The following DNTT variants were observed in gnomAD, a reference collection of about 807,000 sequenced individuals.
The protein encoded by DNTT is nucleosidetriphosphate:DNA deoxynucleotidylexotransferase.
DNTT carries 47 observed loss-of-function variants against 60.9 expected under a neutral mutation model. The observed-to-expected ratio is 0.77, with a 90% CI of 0.61 to 0.98. The LOEUF (loss-of-function observed/expected upper bound fraction) is 0.98. DNTT is among the 50% of genes least tolerant of loss of function. The probability of loss-of-function intolerance (pLI) is 0.00; values close to 1 mark genes in which losing one functional copy is unlikely to be tolerated. For missense variants in DNTT, 665 were observed against 627.5 expected (o/e 1.06, Z -0.64); for synonymous variants, 224 against 221.2 (o/e 1.01, Z -0.11).
intron 6 of DNTT, 40 bp downstream of exon 6, chr10:96,324,429 G>T: frequency 2.5e-6 from 4 of 1,610,096 alleles, no homozygotes; most frequent in Non-Finnish European, 3.4e-6. Flanking sequence ...GCTATGGGCT[G>T]GTCGGGTCGT....
intron 9 of DNTT, among the ~76,000 whole-genome samples, chr10:96,335,201 C>T (rs780911608): frequency 1.3e-5 from 2 of 152,204 alleles, no homozygotes; most frequent in East Asian, 1.9e-4. Context: ...TCGTTGCCCT[C>T]CTTTCCCAAG....
chr10:96,330,923 A>T (rs1436662519), intron 8 of DNTT, among the ~76,000 whole-genome samples: 1 of 152,072 alleles, frequency 6.6e-6, no homozygotes, highest in African/African-American at 2.4e-5. Flanking sequence ...CAAATCACAC[A>T]TCCCAGTAGC....
chr10:96,332,477 G>C lies in DNTT; in HGVS notation c.1240G>C (p.Val414Leu), dbSNP rs1224859361. Residue 414 changes from valine to leucine, a missense_variant, in exon 9 of 11, where the codon GTG (valine) becomes CTG (leucine). By Grantham distance (32) the Val-to-Leu change is conservative. Transcript: ENST00000371174. ...GATTTTCAAATTGCCTCGTCAAAGAGTGGACAGTGACCAGTCCAGCTGGCA... is the reference window on the plus strand; with the variant it reads ...GATTTTCAAATTGCCTCGTCAAAGACTGGACAGTGACCAGTCCAGCTGGCA... ...FLIFKLPRQR[V>L]DSDQSSWQEG... is the part of the protein sequence containing the mutation. The C allele has an allele frequency of 1.2e-6, 2 of 1,614,218 alleles. No individual in the cohort carries two copies. Among genetic ancestry groups the C allele is most frequent in the East Asian group, 2.2e-5 (1 of 44,888 alleles).
At chr10:96,324,134 A>C (rs1844911220) in intron 5 of DNTT, 132 bp from the exon 6 acceptor site, 1 of 1,242,858 alleles carries the variant, frequency 8.0e-7, no homozygotes. Flanking sequence ...CCTGCTCGTT[A>C]TATTCAGGAG....
At chr10:96,336,827 A>G (rs1309922071) in intron 10 of DNTT, among the ~76,000 whole-genome samples, 1 of 151,260 alleles carries the variant, frequency 6.6e-6, no homozygotes, top group Non-Finnish European at 1.5e-5. Context: ...ACACCCAGCT[A>G]CTTGGGAGGC....
intron 1 of DNTT, among the ~76,000 whole-genome samples, chr10:96,308,569 C>G (rs939291300): frequency 3.3e-5 from 5 of 152,154 alleles, no homozygotes; most frequent in African/African-American, 1.2e-4. Flanking sequence ...TGTTATCAAC[C>G]CTCCTCCATA....
intron 1 of DNTT, among the ~76,000 whole-genome samples, chr10:96,307,779 T>A (rs866747079): frequency 1.1e-4 from 16 of 139,826 alleles, no homozygotes; most frequent in African/African-American, 4.2e-4. Flanking sequence ...ATATATATAT[T>A]TTTTTTTTTT....
chr10:96,324,518 G>T (rs1844918533), intron 6 of DNTT, 129 bp downstream of exon 6: 1 of 1,403,412 alleles, frequency 7.1e-7, no homozygotes, highest in Admixed American at 2.1e-5. Flanking sequence ...TTGATGCTTG[G>T]ATCTAAATCC....
At position 96,305,407 on chromosome 10, in the gene DNTT, C is replaced by T. The variant is rs531825943; in HGVS notation, c.203+707C>T. ...TCACTAATCCACTCACCTTGAACAG[C>T]AATTATTCTTGTTGTTTTTCTAACT... On this transcript the variant is annotated intron_variant, in intron 1 of 10. Transcript: ENST00000371174. Among the ~76,000 whole-genome samples, 11 of 152,262 alleles carry T rather than the reference C, an allele frequency of 7.2e-5. No homozygotes were observed. In the South Asian group the frequency reaches 2.1e-3, roughly 29 times the overall value.
In DNTT at chr10:96,328,770, AGG is replaced by A. The variant is rs777534390; in HGVS notation, c.1054_1055del (p.Gly352IlefsTer5). On this transcript the variant is annotated frameshift_variant, in exon 8 of 11. Coordinates refer to ENST00000371174, the MANE Select transcript of DNTT (RefSeq NM_004088.4). LOFTEE classifies it high-confidence loss of function. ...HDVDFLITSPGSTEDEEQLLQ... is the reference protein window; with the variant it reads ...HDVDFLITSPXSTEDEEQLLQ... ...ATGTAGATTTTTTAATTACCAGCCC[AGG>A]ATCAACAGAGGATGAAGAGCAACTT... 6.2e-7 allele frequency: 1 copy of A among 1,614,016 alleles called. No individual in the cohort carries two copies. Among genetic ancestry groups the A allele is most frequent in the Non-Finnish European group, 8.5e-7 (1 of 1,179,946 alleles).
At chr10:96,305,465 TGAAGA>T (rs1282966024) in intron 1 of DNTT, among the ~76,000 whole-genome samples, 1 of 152,100 alleles carries the variant, frequency 6.6e-6, no homozygotes, top group African/African-American at 2.4e-5. Context: ...CTCAAATAGA[TGAAGA>T]GAAAACAAGC....
rs560560232 is a variant in DNTT at position 96,336,448 on chromosome 10, T to C, written c.1443+474T>C. Among the ~76,000 whole-genome samples, 8 of 152,166 alleles carry C rather than the reference T, an allele frequency of 5.3e-5. 1 individual carries two copies. The South Asian group carries it at 1.2e-3, about 24-fold the overall frequency. ...ATAAATGAGCATCCAGCTAGTCTCA[T>C]TGACTACCCATGTCACTCATTTGGT... On this transcript the variant is annotated intron_variant, in intron 10 of 10. Transcript: ENST00000371174.
intron 6 of DNTT, among the ~76,000 whole-genome samples, chr10:96,324,897 T>C (rs1844922365): frequency 6.6e-6 from 1 of 152,154 alleles, no homozygotes; most frequent in African/African-American, 2.4e-5. Flanking sequence ...GAAGATGCCC[T>C]AGAAACTGTA....
chr10:96,309,215 G>A lies in DNTT; in HGVS notation c.203+4515G>A, dbSNP rs114116582. Among the ~76,000 whole-genome samples the A allele has an allele frequency of 6.9e-3, 1,044 of 152,212 alleles. 9 individuals are homozygous for A. The highest frequency in any genetic ancestry group is 0.023 in the African/African-American group (948 of 41,528). On this transcript the variant is annotated intron_variant, in intron 1 of 10. Coordinates refer to ENST00000371174, the MANE Select transcript of DNTT (RefSeq NM_004088.4). The stretch of plus-strand genomic sequence containing the variant: ...CTAGACTTCCATAGTTTATCTACAA[G>A]GATGCCACTGGAAGGCATTGTCTTC...
At chr10:96,337,893 G>A (rs372833925) in intron 10 of DNTT, among the ~76,000 whole-genome samples, 8 of 152,152 alleles carry the variant, frequency 5.3e-5, no homozygotes, top group African/African-American at 1.4e-4. Flanking sequence ...ACTACAGCCC[G>A]TAGGAAAAAT....
At chr10:96,317,071 G>C (rs1025110170) in intron 1 of DNTT, among the ~76,000 whole-genome samples, 1 of 152,202 alleles carries the variant, frequency 6.6e-6, no homozygotes, top group African/African-American at 2.4e-5. Flanking sequence ...TGGGTATGCT[G>C]TGTGCTCATG....
At chr10:96,322,594 G>C in intron 4 of DNTT, 63 bp from the exon 5 acceptor site, 2 of 1,354,826 alleles carry the variant, frequency 1.5e-6, no homozygotes, top group Non-Finnish European at 2.0e-6. Flanking sequence ...CCATGAATTT[G>C]AGAGTCTTAG....
chr10:96,307,642 C>T (rs1279058323), intron 1 of DNTT, among the ~76,000 whole-genome samples: 2 of 144,826 alleles, frequency 1.4e-5, no homozygotes, highest in East Asian at 2.0e-4. Flanking sequence ...GCGTGAGCAC[C>T]GTGCCTGGCC....
Position 96,332,437 on chromosome 10 carries a change from T to C in DNTT, c.1200T>C (p.Phe400=), listed in dbSNP as rs1845017694. The change falls in exon 9 of 11, where the codon TTT becomes TTC. Residue 400 remains phenylalanine (F), a synonymous_variant. Transcript: ENST00000371174. ...GGAAGGTTGATGCTTTGGATCATTT[T>C]CAAAAGTGCTTTCTGATTTTCAAAT... ...PSRKVDALDH[F]QKCFLIFKLP... is the part of the protein sequence containing the mutation. The C allele has an allele frequency of 6.2e-7, 1 of 1,614,192 alleles. No individual in the cohort carries two copies. The highest frequency in any genetic ancestry group is 8.5e-7 in the Non-Finnish European group (1 of 1,180,010).
Sources: allele counts gnomAD v4.1 joint callset (sites outside exome capture counted in the v4.1 genomes callset), GRCh38; gene constraint gnomAD v4.1.1; transcripts MANE v1.5; gene names NCBI Gene and HGNC (gene_info 2026-07-23, HGNC 2026-07-21).